The following COMMD10 variants were observed in gnomAD, a reference collection of about 807,000 sequenced individuals.
COMMD10 encodes the protein COMM domain-containing protein 10.
Under a neutral mutation model 28.9 loss-of-function variants are expected in COMMD10, and 33 were observed. That is an observed-to-expected ratio of 1.14 (90% CI 0.87 to 1.53). COMMD10 has a LOEUF of 1.53. Ranked by LOEUF, COMMD10 falls within the 40% of genes most tolerant of loss-of-function variation. COMMD10 has a pLI of 0.00. For missense variants in COMMD10, 310 were observed against 233.4 expected (o/e 1.33, Z -2.14); for synonymous variants, 110 against 81.7 (o/e 1.35, Z -1.87).
At chr5:116,186,869 T>C (rs891926982) in intron 5 of COMMD10, among the ~76,000 whole-genome samples, 2 of 152,206 alleles carry the variant, frequency 1.3e-5, no homozygotes, top group Non-Finnish European at 2.9e-5. Context: ...ACTAGAGTTA[T>C]TAAGCACTGT....
intron 5 of COMMD10, among the ~76,000 whole-genome samples, chr5:116,247,809 T>G (rs767099207): frequency 1.3e-5 from 2 of 151,862 alleles, no homozygotes; most frequent in Non-Finnish European, 2.9e-5. Flanking sequence ...CTGGGGTCTA[T>G]TGGAGGGTGA....
At chr5:116,218,612 G>C (rs1163735267) in intron 5 of COMMD10, among the ~76,000 whole-genome samples, 3 of 152,130 alleles carry the variant, frequency 2.0e-5, no homozygotes, top group Non-Finnish European at 4.4e-5. Context: ...ATATGGGGTA[G>C]TGGTAAGAGC....
chr5:116,170,391 G>T (rs537534171), intron 5 of COMMD10, among the ~76,000 whole-genome samples: 1 of 152,088 alleles, frequency 6.6e-6, no homozygotes, highest in Non-Finnish European at 1.5e-5. Flanking sequence ...AATCAATATC[G>T]TGAAAATGAA....
rs1332500145 is a variant in COMMD10 at position 116,292,641 on chromosome 5, A to G, written c.*152A>G. ...ACTTCTTAGACAAATAACAACCAAT[A>G]GAGATCATTGTTAAGAATACTGAGG... On this transcript the variant is annotated 3_prime_UTR_variant, in exon 7 of 7. Coordinates refer to ENST00000274458, the MANE Select transcript of COMMD10 (RefSeq NM_016144.4). The G allele has an allele frequency of 1.4e-5, 7 of 511,056 alleles. No homozygotes were observed. Among genetic ancestry groups the G allele is most frequent in the Non-Finnish European group, 2.4e-5 (7 of 292,756 alleles). The allele number at this position is 511,056 out of a possible 1,614,324, so 31.7% of individuals were successfully genotyped here.
intron 5 of COMMD10, among the ~76,000 whole-genome samples, chr5:116,271,327 ATATATT>A (rs1243892266): frequency 6.8e-6 from 1 of 147,186 alleles, no homozygotes; most frequent in African/African-American, 2.5e-5. Flanking sequence ...AAATATAAAT[ATATATT>A]TATATTTATG....
intron 5 of COMMD10, among the ~76,000 whole-genome samples, chr5:116,174,542 C>A (rs1753438809): frequency 6.6e-6 from 1 of 152,078 alleles, no homozygotes; most frequent in Non-Finnish European, 1.5e-5. Flanking sequence ...GTAGAATAAC[C>A]ATTCAGTCAC....
chr5:116,263,584 C>G (rs537512011), intron 5 of COMMD10, among the ~76,000 whole-genome samples: 5 of 151,752 alleles, frequency 3.3e-5, no homozygotes, highest in Admixed American at 6.6e-5. Context: ...ACAGCCTGCT[C>G]TCTCTCTGAA....
intron 5 of COMMD10, among the ~76,000 whole-genome samples, chr5:116,169,744 A>G (rs1312705812): frequency 6.6e-6 from 1 of 152,172 alleles, no homozygotes; most frequent in Non-Finnish European, 1.5e-5. Context: ...AAACCACATT[A>G]TTATCTCAAT....
chr5:116,226,591 A>G (rs1332801116), intron 5 of COMMD10, among the ~76,000 whole-genome samples: 1 of 151,952 alleles, frequency 6.6e-6, no homozygotes, highest in African/African-American at 2.4e-5. Flanking sequence ...CTTAGTAGCA[A>G]TATTGGGGGA....
chr5:116,148,601 C>T (rs1008596300), intron 5 of COMMD10, among the ~76,000 whole-genome samples: 2 of 151,758 alleles, frequency 1.3e-5, no homozygotes, highest in African/African-American at 2.4e-5. Flanking sequence ...GTGGAATTTT[C>T]TAGCCGAAAG....
At chr5:116,223,832 C>T (rs1749325116) in intron 5 of COMMD10, among the ~76,000 whole-genome samples, 1 of 152,142 alleles carries the variant, frequency 6.6e-6, no homozygotes, top group Non-Finnish European at 1.5e-5. Flanking sequence ...CTTGAAATTA[C>T]CTGATTAAAA....
intron 5 of COMMD10, among the ~76,000 whole-genome samples, chr5:116,272,393 G>A (rs1750784276): frequency 6.6e-6 from 1 of 151,888 alleles, no homozygotes; most frequent in Non-Finnish European, 1.5e-5. Context: ...TCGTAGTGGA[G>A]GAGGACTCTA....
intron 5 of COMMD10, among the ~76,000 whole-genome samples, chr5:116,270,430 A>C (rs75047553): frequency 0.028 from 4,285 of 151,954 alleles, 275 homozygotes; most frequent in African/African-American, 0.098. Flanking sequence ...GAAGATATTG[A>C]CTGTCTTTTG....
rs576472544 is a variant in COMMD10 at position 116,268,684 on chromosome 5, C to T, written c.511-22833C>T. Among the ~76,000 whole-genome samples the T allele has an allele frequency of 3.3e-5, 5 of 151,908 alleles. No homozygotes were observed. The East Asian group carries it at 9.6e-4, about 29-fold the overall frequency. The stretch of plus-strand genomic sequence containing the variant: ...GCGGCACTATTCACAATAGCAAAGA[C>T]TTGGAACCAACCCAAATGCCCATCA... On this transcript the variant is annotated intron_variant, in intron 5 of 6. Transcript: ENST00000274458.
rs187086640 is a variant in COMMD10, at chr5:116,276,837, C to T, written c.511-14680C>T. 4.0e-5 allele frequency among the ~76,000 whole-genome samples: 6 copies of T among 151,770 alleles called. No individual in the cohort carries two copies. In the East Asian group the frequency reaches 1.2e-3, roughly 29 times the overall value. ...AAATCTGTTAGAACAAAGTAGATTG[C>T]TGGTTACCTAGGACCGGGAGAGGAG... On this transcript the variant is annotated intron_variant, in intron 5 of 6. Transcript: ENST00000274458.
At chr5:116,186,181 G>C (rs1748130399) in intron 5 of COMMD10, among the ~76,000 whole-genome samples, 1 of 152,088 alleles carries the variant, frequency 6.6e-6, no homozygotes, top group South Asian at 2.1e-4. Flanking sequence ...TATTGGTTCA[G>C]CTGCAACTCT....
intron 5 of COMMD10, among the ~76,000 whole-genome samples, chr5:116,196,517 A>G (rs909638046): frequency 6.6e-6 from 1 of 151,880 alleles, no homozygotes; most frequent in Non-Finnish European, 1.5e-5. Flanking sequence ...TTAAAAAAAA[A>G]AAGTAATAGC....
intron 4 of COMMD10, among the ~76,000 whole-genome samples, chr5:116,114,960 G>T (rs1876672): frequency 6.6e-6 from 1 of 151,822 alleles, no homozygotes; most frequent in Non-Finnish European, 1.5e-5. Context: ...TTTATGTCAC[G>T]CTTGCTTTTC....
intron 5 of COMMD10, among the ~76,000 whole-genome samples, chr5:116,225,885 G>T (rs902458500): frequency 6.6e-6 from 1 of 151,768 alleles, no homozygotes; most frequent in South Asian, 2.1e-4. Context: ...TTTGTTGTCA[G>T]CTAGGAATTT....
Sources: gnomAD v4.1 joint callset for allele counts (sites outside exome capture counted in the v4.1 genomes callset) on GRCh38, gnomAD v4.1.1 for gene constraint, MANE v1.5 for transcripts, NCBI Gene and HGNC (gene_info 2026-07-23, HGNC 2026-07-21) for gene names.